The following ACAD10 variants were observed in gnomAD, a reference collection of about 807,000 sequenced individuals.
ACAD10 encodes the protein ACAD-10.
Under a neutral mutation model 116.8 loss-of-function variants are expected in ACAD10, and 112 were observed. The ratio of observed to expected loss-of-function variants is 0.96; its 90% CI spans 0.82 to 1.12. The LOEUF (loss-of-function observed/expected upper bound fraction) is 1.12, where lower values mean the gene tolerates loss of function less well. Among genes scored for constraint, ACAD10 ranks in the 50% most tolerant of loss-of-function variants. The pLI is 0.00. For missense variants in ACAD10, 1,259 were observed against 1,350.2 expected (o/e 0.93, Z 1.06); for synonymous variants, 486 against 510.6 (o/e 0.95, Z 0.65).
chr12:111,718,541 G>A (rs914709708), intron 7 of ACAD10, among the ~76,000 whole-genome samples: 13 of 151,836 alleles, frequency 8.6e-5, no homozygotes, highest in East Asian at 2.0e-4. Context: ...GTGCAGTGGC[G>A]CAATCTCGGC....
In ACAD10 at chr12:111,747,367, C is replaced by T; in HGVS notation, c.2467C>T (p.His823Tyr). The T allele has an allele frequency of 6.2e-7, 1 of 1,614,120 alleles. No homozygotes were observed. The highest frequency in any genetic ancestry group is 8.5e-7 in the Non-Finnish European group (1 of 1,180,022). Residue 823 changes from histidine to tyrosine, a missense_variant, in exon 16 of 21, where the codon CAC becomes TAC. Transcript: ENST00000313698. The stretch of plus-strand genomic sequence containing the variant: ...GGACAGCTTCTATGTCATAAACGGT[C>T]ACAAATGGTGGATCACAGGTATTTG... ...EEDSFYVING[H>Y]KWWITGILDP...
chr12:111,706,782 A>ATTTTTTTTTTTT (rs36125603), intron 4 of ACAD10, among the ~76,000 whole-genome samples: 4 of 126,504 alleles, frequency 3.2e-5, no homozygotes, highest in African/African-American at 1.3e-4. Flanking sequence ...ATATATATAT[A>ATTTTTTTTTTTT]TTTTTTTTTT....
chr12:111,723,293 A>T (rs1369803872), intron 8 of ACAD10, among the ~76,000 whole-genome samples: 1 of 98,216 alleles, frequency 1.0e-5, no homozygotes, highest in Non-Finnish European at 2.1e-5. Context: ...CTCACCTCCC[A>T]GACGGGGCGG....
chr12:111,688,892 C>A (rs117600114), intron 1 of ACAD10, among the ~76,000 whole-genome samples: 5,229 of 151,588 alleles, frequency 0.034, 131 homozygotes, highest in South Asian at 0.054. Flanking sequence ...TAAGTAATCC[C>A]TAGATTGCTT....
chr12:111,744,542 G>A, intron 12 of ACAD10, 101 bp from the exon 13 acceptor site: 2 of 1,439,804 alleles, frequency 1.4e-6, no homozygotes, highest in Non-Finnish European at 1.9e-6. Context: ...CAAGTGCTCA[G>A]CAAATGGCAA....
At chr12:111,738,796 AG>A (rs1889648278) in intron 12 of ACAD10, among the ~76,000 whole-genome samples, 2 of 151,972 alleles carry the variant, frequency 1.3e-5, no homozygotes, top group Admixed American at 6.6e-5. Context: ...ACTTGAACCC[AG>A]GGGGCAGAGG....
rs1455413560 is a variant in ACAD10, at chr12:111,747,377, G to A, written c.2477G>A (p.Trp826Ter). Reference protein sequence around the residue: ...SFYVINGHKWWITGILDPRCQ... With the variant: ...SFYVINGHKW ...TATGTCATAAACGGTCACAAATGGT[G>A]GATCACAGGTATTTGGCCTAAAATG... Residue 826 changes from tryptophan (W) to a stop codon, truncating the protein, a stop_gained, in exon 16 of 21, where the codon TGG becomes TAG. Coordinates refer to ENST00000313698, the MANE Select transcript of ACAD10 (RefSeq NM_025247.6). LOFTEE classifies it high-confidence loss of function. 8 of 1,614,042 alleles carry A rather than the reference G, an allele frequency of 5.0e-6. No individual in the cohort carries two copies. In the African/African-American group the frequency reaches 1.1e-4, roughly 22 times the overall value.
At chr12:111,723,299 G>A (rs1222676432) in intron 8 of ACAD10, among the ~76,000 whole-genome samples, 2 of 138,822 alleles carry the variant, frequency 1.4e-5, no homozygotes, top group South Asian at 2.3e-4. Context: ...TCCCAGACGG[G>A]GCGGCTGGCC....
rs2135998345 is a variant in ACAD10 at position 111,756,514 on chromosome 12, G to C, written c.*41G>C. On this transcript the variant is annotated 3_prime_UTR_variant, in exon 21 of 21. Transcript: ENST00000313698. ...GTGGCTCAATGTCCTGGCTGGTCCA[G>C]CTGTGCCCAGATCTGTCACTGATGT... The C allele has an allele frequency of 1.9e-6, 3 of 1,603,724 alleles. No individual in the cohort carries two copies. Among genetic ancestry groups the C allele is most frequent in the Middle Eastern group, 1.7e-4 (1 of 6,024 alleles).
At chr12:111,708,819 G>C (rs1314432124) in intron 4 of ACAD10, among the ~76,000 whole-genome samples, 1 of 151,998 alleles carries the variant, frequency 6.6e-6, no homozygotes, top group East Asian at 1.9e-4. Flanking sequence ...CACTGAGAAG[G>C]CTTTCCCGTG....
intron 11 of ACAD10, among the ~76,000 whole-genome samples, chr12:111,736,291 A>G (rs1019333624): frequency 6.6e-6 from 1 of 151,308 alleles, no homozygotes; most frequent in East Asian, 1.9e-4. Flanking sequence ...GATTCATGCA[A>G]TTCTCCTGTC....
Position 111,702,177 on chromosome 12 carries a change from A to G in ACAD10, c.203A>G (p.Asn68Ser). The G allele has an allele frequency of 6.2e-7, 1 of 1,614,016 alleles. No individual in the cohort carries two copies. The highest frequency in any genetic ancestry group is 1.6e-4 in the Middle Eastern group (1 of 6,062). Reference protein sequence around the residue: ...GRVAAEWEVQNRIPSGTILKA... With the variant: ...GRVAAEWEVQSRIPSGTILKA... ...CTTCCTATAGAATGGGAGGTACAGA[A>G]TCGTATCCCTTCTGGAACTATATTA... is the stretch of plus-strand genomic sequence containing the variant. Residue 68 changes from asparagine (N) to serine (S), a missense_variant, in exon 3 of 21, where the codon AAT (asparagine) becomes AGT (serine). By Grantham distance (46) the Asn-to-Ser change is conservative. Transcript: ENST00000313698.
At chr12:111,731,491 G>T (rs578250606) in intron 10 of ACAD10, among the ~76,000 whole-genome samples, 1 of 152,266 alleles carries the variant, frequency 6.6e-6, no homozygotes, top group Non-Finnish European at 1.5e-5. Context: ...GCTGCTCCGT[G>T]GACCTTGTCT....
chr12:111,710,339 T>TAA (rs750987649), intron 5 of ACAD10: 34 of 452,136 alleles, frequency 7.5e-5, no homozygotes, highest in Non-Finnish European at 1.5e-4. Flanking sequence ...CTACCCACCT[T>TAA]ACCCTCCCAA....
chr12:111,713,269 C>G (rs1888744428), intron 6 of ACAD10, among the ~76,000 whole-genome samples: 1 of 150,876 alleles, frequency 6.6e-6, no homozygotes, highest in South Asian at 2.1e-4. Flanking sequence ...CGAGATCGTG[C>G]TACTGCACTC....
chr12:111,704,688 C>CTTT (rs59745029), intron 3 of ACAD10, among the ~76,000 whole-genome samples: 142 of 126,128 alleles, frequency 1.1e-3, no homozygotes, highest in East Asian at 7.5e-3. Context: ...TTCTTTCTTT[C>CTTT]TTTTTTTTTT....
At chr12:111,749,447 G>C in intron 18 of ACAD10, 102 bp downstream of exon 18, 1 of 1,398,532 alleles carries the variant, frequency 7.2e-7, no homozygotes, top group Non-Finnish European at 9.5e-7. Context: ...AGTCCTAGCA[G>C]GTGAAGCAAG....
rs142965257 is a variant in ACAD10 at position 111,720,869 on chromosome 12, C to T, written c.993-802C>T. On this transcript the variant is annotated intron_variant, in intron 7 of 20. Transcript: ENST00000313698. ...AGCGATCTTGGCTCATTGCAACCTC[C>T]GCCTCCTGGGTTCAAGTGATTCTCA... Among the ~76,000 whole-genome samples, 5 of 152,098 alleles carry T rather than the reference C, an allele frequency of 3.3e-5. No individual in the cohort carries two copies. The East Asian group carries it at 7.7e-4, about 23-fold the overall frequency.
chr12:111,742,573 G>T (rs1420804557), intron 12 of ACAD10, among the ~76,000 whole-genome samples: 1 of 152,144 alleles, frequency 6.6e-6, no homozygotes, highest in Non-Finnish European at 1.5e-5. Context: ...GAAAATGGCT[G>T]TCTCAGCTGG....
Sources: gnomAD v4.1 joint callset for allele counts (sites outside exome capture counted in the v4.1 genomes callset) on GRCh38, gnomAD v4.1.1 for gene constraint, MANE v1.5 for transcripts, NCBI Gene and HGNC (gene_info 2026-07-23, HGNC 2026-07-21) for gene names.